ZNF578: variants seen among roughly 807,000 people sequenced by gnomAD.
ZNF578 encodes Putative chemokine-related protein B42.
ZNF578 carries 8 observed loss-of-function variants against 8.3 expected under a neutral mutation model. That is an observed-to-expected ratio of 0.96 (90% CI 0.56 to 1.74). The LOEUF is 1.74. ZNF578 is among the 40% of genes most tolerant of loss of function. ZNF578 has a pLI of 0.00. For synonymous variants in ZNF578, 206 were observed against 232.2 expected (o/e 0.89, Z 1.03); for missense variants, 726 against 707.5 (o/e 1.03, Z -0.30).
chr19:52,487,835 CTA>C (rs1439416557), intron 2 of ZNF578, among the ~76,000 whole-genome samples: 1 of 152,000 alleles, frequency 6.6e-6, no homozygotes, highest in Non-Finnish European at 1.5e-5. Flanking sequence ...CTTGGTTTCA[CTA>C]TGTTTCCCAG....
intron 2 of ZNF578, among the ~76,000 whole-genome samples, chr19:52,485,096 C>T (rs1287741689): frequency 6.6e-6 from 1 of 151,970 alleles, no homozygotes; most frequent in African/African-American, 2.4e-5. Context: ...CAGTTCCTAG[C>T]TTGACTTTTC....
chr19:52,498,195 C>T (rs1455474249), intron 3 of ZNF578, among the ~76,000 whole-genome samples: 2 of 152,116 alleles, frequency 1.3e-5, no homozygotes, highest in Non-Finnish European at 1.5e-5. Flanking sequence ...CTCGCTCTGT[C>T]GCCCAGGCTG....
chr19:52,484,381 C>T (rs374889854), intron 2 of ZNF578, among the ~76,000 whole-genome samples: 2 of 152,166 alleles, frequency 1.3e-5, no homozygotes, highest in South Asian at 2.1e-4. Flanking sequence ...CACTAATCCT[C>T]CTCAGCACAG....
Position 52,514,718 on chromosome 19 carries a change from A to G in ZNF578, c.*2564A>G, listed in dbSNP as rs187491309. ...CGCTCTGTCAGCTTGGATGGAGTGC[A>G]GTGGTGCGATCTCAGCTCACTGCAA... On this transcript the variant is annotated 3_prime_UTR_variant, in exon 6 of 6. Transcript: ENST00000421239. Among the ~76,000 whole-genome samples the G allele has an allele frequency of 6.6e-6, 1 of 152,256 alleles. No homozygotes were observed. The highest frequency in any genetic ancestry group is 1.5e-5 in the Non-Finnish European group (1 of 68,016).
rs66998990 is a variant in ZNF578 at position 52,513,729 on chromosome 19, C to CA, written c.*1592dup. ...TGGGCGACAGAGTGAGAGTCTGTCT[C>CA]AAAAAAAAAAAAAAAAAGATATCAA... On this transcript the variant is annotated 3_prime_UTR_variant, in exon 6 of 6. Transcript: ENST00000421239. Among the ~76,000 whole-genome samples, 90,290 of 123,182 alleles carry CA rather than the reference C, an allele frequency of 0.73. 32,482 individuals are homozygous for CA. The highest frequency in any genetic ancestry group is 0.84 in the East Asian group (3,567 of 4,248). 80.8% of individuals were successfully genotyped at this position (123,182 alleles called of 152,430 possible). A position where few individuals can be genotyped will look rare whatever the true frequency, so the allele number is the denominator to read the frequency against.
chr19:52,503,008 T>C (rs1262348739), intron 4 of ZNF578, among the ~76,000 whole-genome samples: 2 of 152,118 alleles, frequency 1.3e-5, no homozygotes, highest in African/African-American at 4.8e-5. Flanking sequence ...TTCTTCTGCC[T>C]CAGCCTCCTG....
chr19:52,475,353 CTT>C (rs367763536), intron 2 of ZNF578: 14,450 of 144,540 alleles, frequency 0.1, 1,014 homozygotes, highest in East Asian at 0.34. Context: ...TTCTTTCTTT[CTT>C]TTTTTTTTTT....
rs1277422500 is a variant in ZNF578, at chr19:52,456,335, C to T, written c.-212-533C>T. 2.6e-5 allele frequency: 4 copies of T among 152,354 alleles called. No individual in the cohort carries two copies. The East Asian group carries it at 7.7e-4, about 29-fold the overall frequency. The allele number at this position is 152,354 out of a possible 1,614,324, so 9.4% of individuals were successfully genotyped here. A position where few individuals can be genotyped will look rare whatever the true frequency, so the allele number is the denominator to read the frequency against. On this transcript the variant is annotated intron_variant, in intron 1 of 5. Transcript: ENST00000421239. ...TCTGAGTTTAGCTCAACCCTGGATT[C>T]GCATTAGAATGCTGAGACATTTTGC...
chr19:52,498,506 C>T lies in ZNF578; in HGVS notation c.-19-3321C>T, dbSNP rs1599907453. Among the ~76,000 whole-genome samples the T allele has an allele frequency of 2.6e-5, 4 of 151,798 alleles. No individual in the cohort carries two copies. The East Asian group carries it at 5.8e-4, about 22-fold the overall frequency. Reference sequence around the variant, plus strand: ...ACCACCACACCCAGAGAATTTTTTGCATTTTTAGTAGAGACGGGCATTCAC... The same window carrying T: ...ACCACCACACCCAGAGAATTTTTTGTATTTTTAGTAGAGACGGGCATTCAC... On this transcript the variant is annotated intron_variant, in intron 3 of 5. Transcript: ENST00000421239.
chr19:52,496,487 G>A lies in ZNF578; in HGVS notation c.-20+5062G>A, dbSNP rs540423660. Among the ~76,000 whole-genome samples, 297 of 145,624 alleles carry A rather than the reference G, an allele frequency of 2.0e-3. 4 individuals carry two copies. Among genetic ancestry groups the A allele is most frequent in the Non-Finnish European group, 3.4e-3 (227 of 65,972 alleles). Reference sequence around the variant, plus strand: ...TGGGACTACATGCGCCCGCCACCGCGCCCAGCTAATTTTTTGTATTTTTAG... The same window carrying A: ...TGGGACTACATGCGCCCGCCACCGCACCCAGCTAATTTTTTGTATTTTTAG... On this transcript the variant is annotated intron_variant, in intron 3 of 5. Coordinates refer to ENST00000421239, the MANE Select transcript of ZNF578 (RefSeq NM_001099694.2).
In ZNF578 at chr19:52,495,684, A is replaced by G. The variant is rs558226408; in HGVS notation, c.-20+4259A>G. ...ACGTTGTTTTCTCTGTTTATAATGT[A>G]ACAAATTTAAAATTAGTTTAAATTA... On this transcript the variant is annotated intron_variant, in intron 3 of 5. Coordinates refer to ENST00000421239, the MANE Select transcript of ZNF578 (RefSeq NM_001099694.2). Among the ~76,000 whole-genome samples, 28 of 150,328 alleles carry G rather than the reference A, an allele frequency of 1.9e-4. 1 individual carries two copies. The South Asian group carries it at 4.5e-3, about 24-fold the overall frequency.
At chr19:52,504,547 A>C (rs1414630428) in intron 4 of ZNF578, 108 bp from the exon 5 acceptor site, 17 of 1,571,030 alleles carry the variant, frequency 1.1e-5, no homozygotes, top group African/African-American at 1.4e-5. Flanking sequence ...GTTTTGTCAC[A>C]ACACAGTCTT....
chr19:52,500,100 T>C (rs566327029), intron 3 of ZNF578, among the ~76,000 whole-genome samples: 2 of 152,314 alleles, frequency 1.3e-5, no homozygotes, highest in Non-Finnish European at 2.9e-5. Flanking sequence ...TGTTCTGATA[T>C]CATCTTCTCC....
chr19:52,474,204 C>T lies in ZNF578; in HGVS notation c.-121-17120C>T, dbSNP rs115692800. 347 of 301,120 alleles carry T rather than the reference C, an allele frequency of 1.2e-3. 1 individual carries two copies. The highest frequency in any genetic ancestry group is 7.1e-3 in the African/African-American group (324 of 45,316). The allele number at this position is 301,120 out of a possible 1,614,324, so 18.7% of individuals were successfully genotyped here. A position where few individuals can be genotyped will look rare whatever the true frequency, so the allele number is the denominator to read the frequency against. On this transcript the variant is annotated intron_variant, in intron 2 of 5. Coordinates refer to ENST00000421239, the MANE Select transcript of ZNF578 (RefSeq NM_001099694.2). The stretch of plus-strand genomic sequence containing the variant: ...AGATGGGCAATAAGGCCTGAATAGT[C>T]ACTAAATGCTTTGCCACATTCAATA...
chr19:52,475,012 CA>C (rs1440543244), intron 2 of ZNF578: 2 of 197,602 alleles, frequency 1.0e-5, no homozygotes, highest in African/African-American at 4.8e-5. Context: ...AGATGTTCTG[CA>C]AGATGTGAAT....
At chr19:52,507,110 G>A (rs1422315086) in intron 5 of ZNF578, among the ~76,000 whole-genome samples, 2 of 152,114 alleles carry the variant, frequency 1.3e-5, no homozygotes, top group African/African-American at 2.4e-5. Flanking sequence ...AAAACTGGAT[G>A]GTCGTGATGG....
rs781183036 is a variant in ZNF578 at position 52,511,768 on chromosome 19, G to C, written c.1387G>C (p.Val463Leu). 5.3e-5 allele frequency: 86 copies of C among 1,613,010 alleles called. No homozygotes were observed. The highest frequency in any genetic ancestry group is 6.7e-5 in the Non-Finnish European group (79 of 1,179,778). ...TTACAAATGTGAAGAATGTGACAGA[G>C]TTTTCAGTCAGAAATCAAACCTTGA... Reference protein sequence around the residue: ...KSYKCEECDRVFSQKSNLERH... With the variant: ...KSYKCEECDRLFSQKSNLERH... Residue 463 changes from valine to leucine, a missense_variant, in exon 6 of 6, where the codon GTT becomes CTT. By Grantham distance (32) the Val-to-Leu change is conservative (BLOSUM62 1). Coordinates refer to ENST00000421239, the MANE Select transcript of ZNF578 (RefSeq NM_001099694.2).
chr19:52,489,978 A>G (rs910034209), intron 2 of ZNF578, among the ~76,000 whole-genome samples: 10 of 152,298 alleles, frequency 6.6e-5, no homozygotes, highest in African/African-American at 2.2e-4. Context: ...ATTCTCTCAC[A>G]GACACCATCT....
At chr19:52,496,780 G>A (rs1032160738) in intron 3 of ZNF578, among the ~76,000 whole-genome samples, 7 of 151,926 alleles carry the variant, frequency 4.6e-5, no homozygotes, top group African/African-American at 1.7e-4. Flanking sequence ...TATGATTACA[G>A]GCACGCAGCA....
Sources: gnomAD v4.1 joint callset for allele counts (sites outside exome capture counted in the v4.1 genomes callset) on GRCh38, gnomAD v4.1.1 for gene constraint, MANE v1.5 for transcripts, NCBI Gene and HGNC (gene_info 2026-07-23, HGNC 2026-07-21) for gene names.